The following VNN2 variants were observed in gnomAD, a reference collection of about 807,000 sequenced individuals.
VNN2 encodes vanin 2, also known as pantetheine hydrolase VNN2.
Under a neutral mutation model 43.0 loss-of-function variants are expected in VNN2, and 43 were observed. The observed-to-expected ratio is 1.00, with a 90% CI of 0.78 to 1.29. VNN2 has a LOEUF of 1.29. VNN2 is among the 50% of genes most tolerant of loss of function. VNN2 has a pLI of 0.00. For missense variants in VNN2, 652 were observed against 619.7 expected, an observed-to-expected ratio of 1.05 and a Z score of -0.55; for synonymous variants, 230 against 224.3, an observed-to-expected ratio of 1.03 and a Z score of -0.23.
At chr6:132,753,477 G>A (rs1334745365) in intron 3 of VNN2, 2 of 455,256 alleles carry the variant, frequency 4.4e-6, no homozygotes, top group East Asian at 1.4e-4. Context: ...AGTAATCTCA[G>A]TGACTCTTGC....
rs369854011 is a variant in VNN2 at position 132,755,356 on chromosome 6, A to G, written c.537+487T>C. 5.4e-4 allele frequency among the ~76,000 whole-genome samples: 70 copies of G among 130,264 alleles called. 3 individuals are homozygous for G. The highest frequency in any genetic ancestry group is 1.5e-3 in the African/African-American group (53 of 34,328). 85.5% of individuals were successfully genotyped at this position (130,264 alleles called of 152,430 possible). Reference sequence around the variant, plus strand: ...TCTGAGTAGTTTTTTACAACGTGTCATTTTCTTTTTTCTTTTTCTTTTTTT... The same window carrying G: ...TCTGAGTAGTTTTTTACAACGTGTCGTTTTCTTTTTTCTTTTTCTTTTTTT... On this transcript the variant is annotated intron_variant, in intron 3 of 6. Transcript: ENST00000326499.
intron 1 of VNN2, among the ~76,000 whole-genome samples, chr6:132,763,104 A>T (rs1366794609): frequency 2.0e-5 from 3 of 152,192 alleles, no homozygotes; most frequent in Admixed American, 1.3e-4. Flanking sequence ...AGTCGGGATG[A>T]CTGTCACCAC....
upstream of VNN2, among the ~76,000 whole-genome samples, chr6:132,761,472 C>T (rs1251460086): frequency 2.0e-5 from 3 of 151,754 alleles, no homozygotes; most frequent in African/African-American, 4.8e-5. Context: ...CCAGCCTGGC[C>T]GACATAGTGA....
At chr6:132,750,427 G>A (rs1209099003) in intron 5 of VNN2, among the ~76,000 whole-genome samples, 1 of 149,880 alleles carries the variant, frequency 6.7e-6, no homozygotes, top group Non-Finnish European at 1.5e-5. Context: ...ATCAGCAGAG[G>A]TGAGGAGTTG....
chr6:132,747,517 TGAGGCAGGAGAATCGCTTGAACCCAA>T (rs1389472212), intron 6 of VNN2, among the ~76,000 whole-genome samples: 1 of 152,080 alleles, frequency 6.6e-6, no homozygotes, highest in Non-Finnish European at 1.5e-5. Flanking sequence ...CTTATGAGGC[TGAGGCAGGAGAATCGCTTGAACCCAA>T]GAGGCAGAGT....
chr6:132,758,192 G>A (rs532696043), upstream of VNN2, among the ~76,000 whole-genome samples: 136 of 151,514 alleles, frequency 9.0e-4, no homozygotes, highest in South Asian at 0.011. Flanking sequence ...CTACAGGTGC[G>A]CGCCACCACG....
At chr6:132,754,923 C>T (rs1476161270) in intron 3 of VNN2, among the ~76,000 whole-genome samples, 2 of 152,168 alleles carry the variant, frequency 1.3e-5, no homozygotes, top group Non-Finnish European at 2.9e-5. Flanking sequence ...CCTCTAATCT[C>T]AGCATTTTGG....
intron 6 of VNN2, among the ~76,000 whole-genome samples, chr6:132,747,503 G>A (rs1779789975): frequency 1.3e-5 from 2 of 152,062 alleles, no homozygotes; most frequent in Admixed American, 1.3e-4. Flanking sequence ...TGTAGTCCCA[G>A]CTACTTATGA....
chr6:132,744,226 T>C lies in VNN2; in HGVS notation c.*74A>G, dbSNP rs544582172. ...TACTGAAATAGCCCTTCAAAGTTTC[T>C]TAGTAAACTTGGGAAGCCGATAAAC... is the stretch of plus-strand genomic sequence containing the variant. On this transcript the variant is annotated 3_prime_UTR_variant, in exon 7 of 7. Coordinates refer to ENST00000326499, the MANE Select transcript of VNN2 (RefSeq NM_004665.6). 1.4e-6 allele frequency: 2 copies of C among 1,413,560 alleles called. No individual in the cohort carries two copies. Among genetic ancestry groups the C allele is most frequent in the African/African-American group, 2.9e-5 (2 of 68,332 alleles). 87.6% of individuals were successfully genotyped at this position (1,413,560 alleles called of 1,614,324 possible). A position where few individuals can be genotyped will look rare whatever the true frequency, so the allele number is the denominator to read the frequency against.
At chr6:132,749,668 A>C in intron 6 of VNN2, 27 bp downstream of exon 6, 1 of 1,590,498 alleles carries the variant, frequency 6.3e-7, no homozygotes, top group Non-Finnish European at 8.6e-7. Flanking sequence ...ATATAAAATG[A>C]AAATACTCTT....
intron 6 of VNN2, 106 bp downstream of exon 6, chr6:132,749,589 G>A (rs1033858231): frequency 8.5e-7 from 1 of 1,181,688 alleles, no homozygotes; most frequent in African/African-American, 1.6e-5. Context: ...TGGTTTTGAG[G>A]AAATTTGTTA....
chr6:132,758,039 CTTTTTTTT>C (rs533088096), upstream of VNN2: 14 of 165,028 alleles, frequency 8.5e-5, no homozygotes, highest in African/African-American at 5.8e-4. Context: ...TCTTCTTCTT[CTTTTTTTT>C]TTTTTTTTTT....
At chr6:132,752,404 C>T in intron 4 of VNN2, 57 bp downstream of exon 4, 2 of 1,526,130 alleles carry the variant, frequency 1.3e-6, no homozygotes, top group South Asian at 2.6e-5. Context: ...ATAACTGAGG[C>T]ATTCATTTCT....
chr6:132,748,891 A>C (rs926154776), intron 6 of VNN2, among the ~76,000 whole-genome samples: 3 of 152,200 alleles, frequency 2.0e-5, no homozygotes, highest in Admixed American at 6.5e-5. Flanking sequence ...TGATCATGCC[A>C]CTGCACTCTA....
intron 6 of VNN2, among the ~76,000 whole-genome samples, chr6:132,745,340 C>T (rs1435974658): frequency 2.0e-5 from 3 of 152,196 alleles, no homozygotes; most frequent in Admixed American, 2.0e-4. Context: ...CTCAAGCTCC[C>T]CAGTAGCTGG....
At chr6:132,750,684 A>G (rs1366564019) in intron 5 of VNN2, among the ~76,000 whole-genome samples, 1 of 149,752 alleles carries the variant, frequency 6.7e-6, no homozygotes, top group East Asian at 1.9e-4. Context: ...AAGAAAAAGA[A>G]AAGAAAAGAA....
intron 3 of VNN2, among the ~76,000 whole-genome samples, chr6:132,754,276 G>A (rs926707984): frequency 2.6e-5 from 4 of 152,142 alleles, no homozygotes; most frequent in African/African-American, 9.7e-5. Context: ...TTTTTACTAT[G>A]AGACACATTT....
At chr6:132,762,934 G>A (rs751815163) in intron 1 of VNN2, among the ~76,000 whole-genome samples, 33 of 152,098 alleles carry the variant, frequency 2.2e-4, no homozygotes, top group South Asian at 2.1e-4. Context: ...CCTACTTTCC[G>A]ACAGCTCCTG....
upstream of VNN2, among the ~76,000 whole-genome samples, chr6:132,761,300 C>T (rs959545302): frequency 2.6e-5 from 4 of 150,994 alleles, no homozygotes. Context: ...ATGAACTTAG[C>T]TAAAGGGGTA....
Sources: allele counts gnomAD v4.1 joint callset (sites outside exome capture counted in the v4.1 genomes callset), GRCh38; gene constraint gnomAD v4.1.1; transcripts MANE v1.5; gene names NCBI Gene and HGNC (gene_info 2026-07-23, HGNC 2026-07-21).